Variants in DENND6B observed in about 807,000 individuals in gnomAD.
The protein encoded by DENND6B is protein DENND6B.
Under a neutral mutation model 85.1 loss-of-function variants are expected in DENND6B, and 73 were observed. That is an observed-to-expected ratio of 0.86 (90% CI 0.71 to 1.04). The LOEUF (loss-of-function observed/expected upper bound fraction) is 1.04. Ranked by LOEUF, DENND6B falls within the 50% of genes least tolerant of loss-of-function variation. The probability of loss-of-function intolerance (pLI) is 0.00; values close to 1 mark genes in which losing one functional copy is unlikely to be tolerated. For synonymous variants in DENND6B, 357 were observed against 329.3 expected, an observed-to-expected ratio of 1.08 and a Z score of -0.91; for missense variants, 715 against 785.8, an observed-to-expected ratio of 0.91 and a Z score of 1.08.
intron 1 of DENND6B, chr22:50,319,272 G>C (rs976651473): frequency 1.0e-6 from 1 of 985,124 alleles, no homozygotes; most frequent in Non-Finnish European, 1.2e-6. Flanking sequence ...TTGCTGACCC[G>C]CTCCTATCTC....
In DENND6B at chr22:50,314,057, C is replaced by T. The variant is rs529397900; in HGVS notation, c.1138+150G>A. 195 of 1,270,890 alleles carry T rather than the reference C, an allele frequency of 1.5e-4. 1 individual carries two copies. Among genetic ancestry groups the T allele is most frequent in the Middle Eastern group, 1.4e-3 (5 of 3,696 alleles). 78.7% of individuals were successfully genotyped at this position (1,270,890 alleles called of 1,614,324 possible). ...CCGAGACCCACTGAAGAGAAGAGAG[C>T]GACCCCTCCCCAAGGGTTCTGAGCT... On this transcript the variant is annotated intron_variant, in intron 13 of 19. Transcript: ENST00000413817.
Position 50,317,930 on chromosome 22 carries a change from C to T in DENND6B, c.350G>A (p.Ser117Asn), listed in dbSNP as rs1369491686. ...PWHADDRHYNSRAPVALQREP... is the reference protein window; with the variant it reads ...PWHADDRHYNNRAPVALQREP... ...CACCTGCAGTGCCACAGGGGCCCTG[C>T]TGTTGTAGTGCCTGTCGTCGGCATG... The change falls in exon 4 of 20, where the codon AGC (serine) becomes AAC (asparagine). Residue 117 changes from serine to asparagine, a missense_variant. Transcript: ENST00000413817. 12 of 1,609,800 alleles carry T rather than the reference C, an allele frequency of 7.5e-6. No individual in the cohort carries two copies. Among genetic ancestry groups the T allele is most frequent in the Non-Finnish European group, 9.3e-6 (11 of 1,179,396 alleles).
Position 50,316,364 on chromosome 22 carries a change from A to C in DENND6B, c.559+6T>G. 1 of 1,571,320 alleles carries C rather than the reference A, an allele frequency of 6.4e-7. No homozygotes were observed. Among genetic ancestry groups the C allele is most frequent in the Non-Finnish European group, 8.6e-7 (1 of 1,159,936 alleles). ...ACCACGATGGCCACGACTGATGGCC[A>C]CTCACCTGCTTCCAGGCAGGGCGCC... On this transcript the variant is annotated splice_donor_region_variant and intron_variant, in intron 6 of 19. Transcript: ENST00000413817.
chr22:50,313,615 C>T lies in DENND6B; in HGVS notation c.1293+20G>A, dbSNP rs755887489. 6.1e-5 allele frequency: 94 copies of T among 1,537,120 alleles called. No homozygotes were observed. In the Middle Eastern group the frequency reaches 2.0e-3, roughly 33 times the overall value. On this transcript the variant is annotated intron_variant, in intron 15 of 19. Transcript: ENST00000413817. ...AGCCCCGTGCCCCCCAGTCCCATGTCCCCCAGCCCCGGGCCTCACCAGGGG... is the reference window on the plus strand; with the variant it reads ...AGCCCCGTGCCCCCCAGTCCCATGTTCCCCAGCCCCGGGCCTCACCAGGGG...
At position 50,318,776 on chromosome 22, in the gene DENND6B, GC is replaced by G. The variant is rs2041941459; in HGVS notation, c.259+70del. ...CCGGGGCAGCCGAGGCAGCCATGATGCCCCTGGCCCAGGCTACAGGGATGCC... is the reference window on the plus strand; with the variant it reads ...CCGGGGCAGCCGAGGCAGCCATGATGCCCTGGCCCAGGCTACAGGGATGCC... On this transcript the variant is annotated intron_variant, in intron 3 of 19. Coordinates refer to ENST00000413817, the MANE Select transcript of DENND6B (RefSeq NM_001001794.4). 2.5e-6 allele frequency: 4 copies of G among 1,589,442 alleles called. No individual in the cohort carries two copies. In the Admixed American group the frequency reaches 5.2e-5, roughly 21 times the overall value.
At chr22:50,316,768 G>A in intron 5 of DENND6B, 1 of 1,341,700 alleles carries the variant, frequency 7.5e-7, no homozygotes, top group South Asian at 1.3e-5. Flanking sequence ...CCCAGGGGCT[G>A]AGCAGCTTTT....
At position 50,314,259 on chromosome 22, in the gene DENND6B, C is replaced by A. The variant is rs376767330; in HGVS notation, c.1086G>T (p.Lys362Asn). 4 of 1,609,672 alleles carry A rather than the reference C, an allele frequency of 2.5e-6. No homozygotes were observed. In the African/African-American group the frequency reaches 4.0e-5, roughly 16 times the overall value. The change falls in exon 13 of 20, where the codon AAG (lysine) becomes AAT (asparagine). Residue 362 changes from lysine (K) to asparagine (N), a missense_variant. Lys to Asn is a moderately conservative substitution (Grantham distance 94). Coordinates refer to ENST00000413817, the MANE Select transcript of DENND6B (RefSeq NM_001001794.4). ...TTGAAGGCTTTTTCAGCTTGACTTG[C>A]TTAGGCAGGTCTCCTACGAGACACG... ...GEPKMSGDLP[K>N]QVKLKKPSRL... is the part of the protein sequence containing the mutation.
chr22:50,316,716 C>T (rs1378042374), intron 5 of DENND6B: 7 of 1,445,668 alleles, frequency 4.8e-6, no homozygotes, highest in East Asian at 3.1e-5. Flanking sequence ...CTAGGGCCTT[C>T]GGAGGGAAAC....
rs1281975232 is a variant in DENND6B at position 50,317,069 on chromosome 22, G to T, written c.453+224C>A. 47 of 284,024 alleles carry T rather than the reference G, an allele frequency of 1.7e-4. 1 individual carries two copies. The highest frequency in any genetic ancestry group is 2.1e-4 in the Non-Finnish European group (32 of 155,128). 17.6% of individuals were successfully genotyped at this position (284,024 alleles called of 1,614,324 possible). ...GCGGGGGGCCGCGAGGACAGGGTGG[G>T]GGGGGGCGGCGAGGACAGGGTGGGG... On this transcript the variant is annotated intron_variant, in intron 5 of 19. Transcript: ENST00000413817.
At chr22:50,326,666 G>A in intron 1 of DENND6B, 146 bp downstream of exon 1, 1 of 674,558 alleles carries the variant, frequency 1.5e-6, no homozygotes, top group Non-Finnish European at 2.1e-6. Context: ...GAGCGCTTCT[G>A]GAGCCCGGAG....
At chr22:50,322,005 G>A (rs1447767314) in intron 1 of DENND6B, among the ~76,000 whole-genome samples, 1 of 151,104 alleles carries the variant, frequency 6.6e-6, no homozygotes, top group East Asian at 1.9e-4. Context: ...TAATTTCCTT[G>A]GTTTTAACTC....
chr22:50,312,590 T>C lies in DENND6B; in HGVS notation c.1493A>G (p.Tyr498Cys). The C allele has an allele frequency of 6.3e-7, 1 of 1,587,028 alleles. No homozygotes were observed. Among genetic ancestry groups the C allele is most frequent in the South Asian group, 1.1e-5 (1 of 87,710 alleles). ...GGCCATCTCCTTGTGCCGCTGCCGG[T>C]ACCAGCCATCAAAATGGGGGGACTT... ...FFKSPHFDGWYRQRHKEMALK... is the reference protein window; with the variant it reads ...FFKSPHFDGWCRQRHKEMALK... Residue 498 changes from tyrosine (Y) to cysteine (C), a missense_variant, in exon 18 of 20, where the codon TAC (tyrosine) becomes TGC (cysteine). Tyr to Cys is a radical substitution (Grantham distance 194). Coordinates refer to ENST00000413817, the MANE Select transcript of DENND6B (RefSeq NM_001001794.4).
At position 50,317,957 on chromosome 22, in the gene DENND6B, C is replaced by T; in HGVS notation, c.323G>A (p.Trp108Ter). The T allele has an allele frequency of 6.2e-7, 1 of 1,612,202 alleles. No individual in the cohort carries two copies. The highest frequency in any genetic ancestry group is 2.2e-5 in the East Asian group (1 of 44,890). The stretch of plus-strand genomic sequence containing the variant: ...GTTGTAGTGCCTGTCGTCGGCATGC[C>T]AGGGGCTCCTCTGCCCTCCACACTG... ...MRQCGGQRSP[W>*]HADDRHYNSR... The change falls in exon 4 of 20, where the codon TGG (tryptophan) becomes TAG (stop). Residue 108 changes from tryptophan to a stop codon, truncating the protein, a stop_gained. Transcript: ENST00000413817. LOFTEE classifies it high-confidence loss of function.
In DENND6B at chr22:50,314,440, G is replaced by A. The variant is rs749611787; in HGVS notation, c.1032C>T (p.His344=). The part of the protein sequence containing the change: ...TNPFFIKTLQ[H]WPHILRVGEP... ...CCCCGACTCGGAGGATGTGGGGCCA[G>A]TGCTGGAGTGTTTTGATAAAGAAAG... Residue 344 remains histidine, a synonymous_variant, in exon 12 of 20, where the codon CAC becomes CAT. Coordinates refer to ENST00000413817, the MANE Select transcript of DENND6B (RefSeq NM_001001794.4). 1.3e-6 allele frequency: 2 copies of A among 1,565,276 alleles called. No individual in the cohort carries two copies. Among genetic ancestry groups the A allele is most frequent in the Middle Eastern group, 3.3e-4 (2 of 6,010 alleles).
rs372222188 is a variant in DENND6B, at chr22:50,313,845, C to T, written c.1172G>A (p.Arg391His). 293 of 1,611,912 alleles carry T rather than the reference C, an allele frequency of 1.8e-4. No homozygotes were observed. The highest frequency in any genetic ancestry group is 2.2e-4 in the Admixed American group (13 of 59,970). Residue 391 changes from arginine (R) to histidine (H), a missense_variant, in exon 14 of 20, where the codon CGC (arginine) becomes CAC (histidine). Physicochemically the swap from Arg to His is conservative, Grantham distance 29. Coordinates refer to ENST00000413817, the MANE Select transcript of DENND6B (RefSeq NM_001001794.4). ...LYTAYTAHLHRDKALLKRLLK... is the reference protein window; with the variant it reads ...LYTAYTAHLHHDKALLKRLLK... ...CAGCCGTTTGAGCAGCGCCTTGTCG[C>T]GGTGGAGGTGGGCCGTGTAAGCGGT...
At position 50,314,399 on chromosome 22, in the gene DENND6B, C is replaced by T. The variant is rs1418788116; in HGVS notation, c.1072+1G>A. On this transcript the variant is annotated splice_donor_variant, in intron 12 of 19. Coordinates refer to ENST00000413817, the MANE Select transcript of DENND6B (RefSeq NM_001001794.4). LOFTEE classifies it high-confidence loss of function. ...CCCCTGCACCTCACCGGGAGCCTGACCTGACATCTTGGGCTCCCCGACTCG... is the reference window on the plus strand; with the variant it reads ...CCCCTGCACCTCACCGGGAGCCTGATCTGACATCTTGGGCTCCCCGACTCG... 21 of 1,563,890 alleles carry T rather than the reference C, an allele frequency of 1.3e-5. No homozygotes were observed. Among genetic ancestry groups the T allele is most frequent in the Non-Finnish European group, 1.8e-5 (21 of 1,153,994 alleles).
chr22:50,317,264 T>G lies in DENND6B; in HGVS notation c.453+29A>C, dbSNP rs759996361. 9 of 1,610,886 alleles carry G rather than the reference T, an allele frequency of 5.6e-6. No individual in the cohort carries two copies. The East Asian group carries it at 1.6e-4, about 28-fold the overall frequency. On this transcript the variant is annotated intron_variant, in intron 5 of 19. Transcript: ENST00000413817. The stretch of plus-strand genomic sequence containing the variant: ...CTGCCAGCTCCTGCCGCTCTTGAGG[T>G]GCCAGCCCAGAGTGGCCAAGCAGCG...
intron 5 of DENND6B, 197 bp from the exon 6 acceptor site, chr22:50,316,672 G>T: frequency 6.7e-7 from 1 of 1,503,408 alleles, no homozygotes; most frequent in Non-Finnish European, 8.9e-7. Context: ...ACCCAACACT[G>T]AACTCCCTGG....
chr22:50,323,977 C>T (rs2147793449), intron 1 of DENND6B, among the ~76,000 whole-genome samples: 1 of 152,278 alleles, frequency 6.6e-6, no homozygotes, highest in South Asian at 2.1e-4. Context: ...TCAAGTGATC[C>T]TCCTGCCTCG....
Sources: allele counts gnomAD v4.1 joint callset (sites outside exome capture counted in the v4.1 genomes callset), GRCh38; gene constraint gnomAD v4.1.1; transcripts MANE v1.5; gene names NCBI Gene and HGNC (gene_info 2026-07-23, HGNC 2026-07-21).